Variants in CHN2 observed in about 807,000 individuals in gnomAD.
The protein encoded by CHN2 is beta-chimaerin.
In CHN2, 35 loss-of-function variants were observed where a neutral mutation model predicts 56.3. That is an observed-to-expected ratio of 0.62 (90% CI 0.47 to 0.82). CHN2 has a LOEUF of 0.82. Ranked by LOEUF, CHN2 falls within the 40% of genes least tolerant of loss-of-function variation. CHN2 has a pLI of 0.00. For missense variants in CHN2, 491 were observed against 580.5 expected (o/e 0.85, Z 1.58); for synonymous variants, 210 against 212.8 (o/e 0.99, Z 0.12).
At chr7:29,486,026 A>C (rs962373017) in intron 7 of CHN2, among the ~76,000 whole-genome samples, 4 of 146,812 alleles carry the variant, frequency 2.7e-5, no homozygotes, top group African/African-American at 5.1e-5. Context: ...CCCCCCTTCC[A>C]CCTCCTGCCC....
intron 1 of CHN2, among the ~76,000 whole-genome samples, chr7:29,217,854 T>C (rs1186967705): frequency 6.6e-6 from 1 of 152,192 alleles, no homozygotes; most frequent in African/African-American, 2.4e-5. Context: ...TGTGAACTAA[T>C]GCTTATGCGC....
intron 11 of CHN2, among the ~76,000 whole-genome samples, chr7:29,507,944 A>G (rs1461455700): frequency 6.6e-6 from 1 of 152,174 alleles, no homozygotes; most frequent in Non-Finnish European, 1.5e-5. Context: ...TAGATTAACT[A>G]CTTTTATCTG....
intron 9 of CHN2, among the ~76,000 whole-genome samples, chr7:29,504,534 C>G (rs887054425): frequency 4.7e-5 from 7 of 149,904 alleles, no homozygotes; most frequent in Non-Finnish European, 3.0e-5. Context: ...ATTGAGATCT[C>G]CACTGCTACA....
chr7:29,437,018 G>C (rs1401757536), intron 6 of CHN2, among the ~76,000 whole-genome samples: 1 of 151,724 alleles, frequency 6.6e-6, no homozygotes, highest in Non-Finnish European at 1.5e-5. Flanking sequence ...ATAATAAGTA[G>C]AGGATACAGA....
At chr7:29,467,115 C>T (rs1785608554) in intron 6 of CHN2, among the ~76,000 whole-genome samples, 1 of 152,096 alleles carries the variant, frequency 6.6e-6, no homozygotes, top group South Asian at 2.1e-4. Context: ...GTCATATGTA[C>T]GTAGCTATTT....
At chr7:29,280,683 T>A (rs1019043505) in intron 1 of CHN2, among the ~76,000 whole-genome samples, 1 of 152,192 alleles carries the variant, frequency 6.6e-6, no homozygotes, top group African/African-American at 2.4e-5. Context: ...AGCCATAAAC[T>A]TGGAACGTGA....
At chr7:29,283,922 C>CTTTTT (rs70980520) in intron 1 of CHN2, among the ~76,000 whole-genome samples, 2,367 of 69,908 alleles carry the variant, frequency 0.034, 252 homozygotes, top group Non-Finnish European at 0.045. Flanking sequence ...CAGCCAAGCT[C>CTTTTT]TTTTTTTTTT....
chr7:29,454,813 A>T (rs1401943264), intron 6 of CHN2, among the ~76,000 whole-genome samples: 1 of 152,212 alleles, frequency 6.6e-6, no homozygotes, highest in Non-Finnish European at 1.5e-5. Flanking sequence ...ACTCACAGAA[A>T]CGCATGCTTA....
chr7:29,313,857 C>A (rs756372256), intron 1 of CHN2, among the ~76,000 whole-genome samples: 2 of 152,178 alleles, frequency 1.3e-5, no homozygotes, highest in Non-Finnish European at 1.5e-5. Context: ...AGAAATTGTA[C>A]ACGATGCAAG....
intron 2 of CHN2, among the ~76,000 whole-genome samples, chr7:29,359,290 T>A (rs1373001919): frequency 6.6e-6 from 1 of 152,182 alleles, no homozygotes; most frequent in Non-Finnish European, 1.5e-5. Context: ...AAATGGATGC[T>A]GGGAAGGCAA....
intron 1 of CHN2, among the ~76,000 whole-genome samples, chr7:29,225,159 A>G (rs1786091051): frequency 6.6e-6 from 1 of 152,228 alleles, no homozygotes; most frequent in African/African-American, 2.4e-5. Flanking sequence ...TTTAAAACAG[A>G]TAGAATATGA....
At chr7:29,384,041 CAG>C (rs1228623365) in intron 3 of CHN2, among the ~76,000 whole-genome samples, 1 of 152,036 alleles carries the variant, frequency 6.6e-6, no homozygotes, top group Non-Finnish European at 1.5e-5. Context: ...AGGGAGGAGT[CAG>C]AGATTATGAT....
At position 29,330,623 on chromosome 7, in the gene CHN2, T is replaced by C. The variant is rs1796142313; in HGVS notation, c.50-24002T>C. ...AGAAAAACAAAGTAATAATTTAGCA[T>C]CAAGAACATATCATTGAAATTCTTA... On this transcript the variant is annotated intron_variant, in intron 1 of 12. Transcript: ENST00000222792. Among the ~76,000 whole-genome samples, 4 of 152,280 alleles carry C rather than the reference T, an allele frequency of 2.6e-5. No individual in the cohort carries two copies. The South Asian group carries it at 8.3e-4, about 32-fold the overall frequency.
At chr7:29,424,229 GCA>G (rs1491145356) in intron 6 of CHN2, among the ~76,000 whole-genome samples, 1,974 of 150,758 alleles carry the variant, frequency 0.013, 14 homozygotes, top group Non-Finnish European at 0.019. Flanking sequence ...TTAGTTCCAT[GCA>G]ACCTCCCACA....
rs1169467885 is a variant in CHN2 at position 29,485,224 on chromosome 7, A to G, written c.654+4868A>G. On this transcript the variant is annotated intron_variant, in intron 7 of 12. Coordinates refer to ENST00000222792, the MANE Select transcript of CHN2 (RefSeq NM_004067.4). The stretch of plus-strand genomic sequence containing the variant: ...ATTTATGATGTAGCTATTAGTTCAC[A>G]CTAATATGTGTGATTGATTATGCAG... Among the ~76,000 whole-genome samples, 3 of 152,320 alleles carry G rather than the reference A, an allele frequency of 2.0e-5. No homozygotes were observed. The East Asian group carries it at 5.8e-4, about 29-fold the overall frequency.
At chr7:29,191,706 A>G (rs1287070774), upstream of CHN2, 1 of 152,268 alleles carries the variant, frequency 6.6e-6, no homozygotes, top group African/African-American at 2.4e-5. Context: ...TACTTTCCAA[A>G]CAATTAAGAT....
intron 3 of CHN2, among the ~76,000 whole-genome samples, chr7:29,368,432 T>C (rs1799349530): frequency 6.6e-6 from 1 of 152,138 alleles, no homozygotes. Flanking sequence ...AATAAAGCCT[T>C]ACAAAAAAGT....
intron 1 of CHN2, among the ~76,000 whole-genome samples, chr7:29,341,249 AGTCC>A (rs35473366): frequency 0.24 from 37,044 of 151,948 alleles, 4,842 homozygotes; most frequent in Non-Finnish European, 0.3. Context: ...GCCCTCTGAT[AGTCC>A]GTCCAGTTCC....
At chr7:29,224,860 T>G (rs572374062) in intron 1 of CHN2, among the ~76,000 whole-genome samples, 1 of 152,332 alleles carries the variant, frequency 6.6e-6, no homozygotes, top group South Asian at 2.1e-4. Flanking sequence ...GCTGTCTGTA[T>G]TTTTCTCATT....
Sources: gnomAD v4.1 joint callset for allele counts (sites outside exome capture counted in the v4.1 genomes callset) on GRCh38, gnomAD v4.1.1 for gene constraint, MANE v1.5 for transcripts, NCBI Gene and HGNC (gene_info 2026-07-23, HGNC 2026-07-21) for gene names.